Variants in ARK2C observed in about 807,000 individuals in gnomAD.
The protein encoded by ARK2C is arkadia (RNF111) C-terminal like ring finger ubiquitin ligase 2C, also known as E3 ubiquitin-protein ligase ARK2C.
the ARK2C span, among the ~76,000 whole-genome samples, chr18:46,352,089 C>T: frequency 6.6e-6 from 1 of 152,188 alleles, no homozygotes; most frequent in Non-Finnish European, 1.5e-5. Flanking sequence ...ACCTCCCAGG[C>T]CTTGACCTTC....
the ARK2C span, among the ~76,000 whole-genome samples, chr18:46,440,704 A>G: frequency 3.5e-5 from 5 of 144,444 alleles, no homozygotes; most frequent in Non-Finnish European, 7.7e-5. Flanking sequence ...TTTCTGTTAT[A>G]CTTTGTATCA....
the ARK2C span, among the ~76,000 whole-genome samples, chr18:46,345,539 T>G: frequency 6.6e-6 from 1 of 152,162 alleles, no homozygotes. Context: ...CCTGCACAGG[T>G]GCACCTGGGG....
At chr18:46,384,254 C>G in the ARK2C span, among the ~76,000 whole-genome samples, 2 of 152,222 alleles carry the variant, frequency 1.3e-5, no homozygotes, top group African/African-American at 4.8e-5. Flanking sequence ...CACCTGGGCA[C>G]TGGAGTCCCA....
At chr18:46,366,034 T>C in the ARK2C span, among the ~76,000 whole-genome samples, 1 of 152,086 alleles carries the variant, frequency 6.6e-6, no homozygotes, top group Admixed American at 6.6e-5. Context: ...GGCTCACACC[T>C]GTAATCCCAG....
At chr18:46,387,706 T>C in the ARK2C span, among the ~76,000 whole-genome samples, 1 of 152,226 alleles carries the variant, frequency 6.6e-6, no homozygotes, top group Non-Finnish European at 1.5e-5. Flanking sequence ...TAGCTTCAGT[T>C]TGGAAGTCAA....
chr18:46,348,627 G>A, the ARK2C span, among the ~76,000 whole-genome samples: 1 of 152,180 alleles, frequency 6.6e-6, no homozygotes, highest in Non-Finnish European at 1.5e-5. Flanking sequence ...ACAGGGGTGG[G>A]ACTGATCCTT....
At chr18:46,416,320 C>G in the ARK2C span, among the ~76,000 whole-genome samples, 8 of 152,302 alleles carry the variant, frequency 5.3e-5, no homozygotes, top group African/African-American at 1.7e-4. Context: ...ACACAGAAAC[C>G]TGGCTCATGA....
At chr18:46,381,182 G>T in the ARK2C span, among the ~76,000 whole-genome samples, 1 of 152,248 alleles carries the variant, frequency 6.6e-6, no homozygotes, top group Non-Finnish European at 1.5e-5. Flanking sequence ...GTTTTTGTCA[G>T]CCAGGCATTG....
At chr18:46,349,006 C>T in the ARK2C span, among the ~76,000 whole-genome samples, 3 of 151,412 alleles carry the variant, frequency 2.0e-5, no homozygotes, top group African/African-American at 7.3e-5. Flanking sequence ...GAATGCTAGC[C>T]TGGGAACTGG....
chr18:46,453,758 T>C, the ARK2C span, among the ~76,000 whole-genome samples: 8 of 151,400 alleles, frequency 5.3e-5, no homozygotes, highest in African/African-American at 1.9e-4. Flanking sequence ...TGAGTCAAAA[T>C]AGAAAAATAT....
chr18:46,379,246 G>A, the ARK2C span, among the ~76,000 whole-genome samples: 10 of 152,332 alleles, frequency 6.6e-5, 1 homozygote, highest in Admixed American at 6.5e-4. Flanking sequence ...CTTTTGGGGT[G>A]CATCTAGTCC....
the ARK2C span, among the ~76,000 whole-genome samples, chr18:46,448,225 C>G: frequency 6.7e-6 from 1 of 150,150 alleles, no homozygotes; most frequent in Non-Finnish European, 1.5e-5. Flanking sequence ...CATGACCCAG[C>G]TCCTCTGTAT....
chr18:46,437,295 G>A, the ARK2C span, among the ~76,000 whole-genome samples: 125 of 152,278 alleles, frequency 8.2e-4, 2 homozygotes, highest in East Asian at 0.023. Context: ...GCCTAGTGGC[G>A]CCGAGGGGTT....
chr18:46,398,975 G>T, the ARK2C span, among the ~76,000 whole-genome samples: 2 of 152,138 alleles, frequency 1.3e-5, no homozygotes, highest in African/African-American at 4.8e-5. Flanking sequence ...TAAAGGGCAG[G>T]CTCCTGGGTG....
chr18:46,375,274 C>A, the ARK2C span, among the ~76,000 whole-genome samples: 1 of 149,830 alleles, frequency 6.7e-6, no homozygotes, highest in African/African-American at 2.5e-5. Flanking sequence ...TTGTCCTGGC[C>A]GGGCACAGTG....
At chr18:46,353,255 C>T in the ARK2C span, among the ~76,000 whole-genome samples, 1 of 152,254 alleles carries the variant, frequency 6.6e-6, no homozygotes. Context: ...GAAAGCTGCA[C>T]ATCCTTGGGC....
the ARK2C span, among the ~76,000 whole-genome samples, chr18:46,365,093 C>A: frequency 6.6e-6 from 1 of 152,318 alleles, no homozygotes; most frequent in East Asian, 1.9e-4. Context: ...GCTTTATCAC[C>A]ATTCCCTGCG....
chr18:46,370,661 C>A, the ARK2C span, among the ~76,000 whole-genome samples: 1 of 152,170 alleles, frequency 6.6e-6, no homozygotes, highest in Non-Finnish European at 1.5e-5. Context: ...ATGCCCCATG[C>A]CAGGTGCTAA....
the ARK2C span, among the ~76,000 whole-genome samples, chr18:46,369,669 CA>C: frequency 6.6e-6 from 1 of 152,182 alleles, no homozygotes; most frequent in Non-Finnish European, 1.5e-5. Flanking sequence ...TAGCCTATCT[CA>C]TTTAGTTCTG....
Sources: gnomAD v4.1 joint callset for allele counts (sites outside exome capture counted in the v4.1 genomes callset) on GRCh38, gnomAD v4.1.1 for gene constraint, MANE v1.5 for transcripts, NCBI Gene and HGNC (gene_info 2026-07-23, HGNC 2026-07-21) for gene names.